The following CALM3 variants were observed in gnomAD, a reference collection of about 807,000 sequenced individuals.
The protein encoded by CALM3 is calmodulin-3.
A neutral mutation model predicts 20.1 loss-of-function variants in CALM3; 5 were observed. The observed-to-expected ratio is 0.25, with a 90% CI of 0.13 to 0.52. The LOEUF is 0.52. CALM3 is among the 20% of genes least tolerant of loss of function. CALM3 has a pLI of 0.96. For synonymous variants in CALM3, 69 were observed against 68.1 expected (o/e 1.01, Z -0.06); for missense variants, 57 against 192.8 (o/e 0.30, Z 4.17).
At chr19:46,609,024 C>G (rs182901112) in intron 5 of CALM3, 43 bp downstream of exon 5, 2 of 1,607,346 alleles carry the variant, frequency 1.2e-6, no homozygotes, top group Admixed American at 1.7e-5. Flanking sequence ...AGAAGAGAAT[C>G]GCAGCTTCAG....
At position 46,608,475 on chromosome 19, in the gene CALM3, C is replaced by T. The variant is rs1971792464; in HGVS notation, c.179-7C>T. On this transcript the variant is annotated splice_region_variant and splice_polypyrimidine_tract_variant and intron_variant, in intron 3 of 5. Transcript: ENST00000291295. This position sits in a 1 kb window ranked among gnomAD's most constrained non-coding sequence, Gnocchi z 5.5. ...AGAGCATTCTCCATCCTTTCCCCAC[C>T]TTCCAGGGAACGGGACCATTGACTT... is the stretch of plus-strand genomic sequence containing the variant. 4 of 1,612,914 alleles carry T rather than the reference C, an allele frequency of 2.5e-6. No individual in the cohort carries two copies. The African/African-American group carries it at 4.0e-5, about 16-fold the overall frequency.
upstream of CALM3, chr19:46,601,091 T>C (rs1215492613): frequency 3.7e-5 from 39 of 1,055,138 alleles, no homozygotes; most frequent in Non-Finnish European, 3.8e-5. The surrounding 1 kb of genome is among the most constrained non-coding windows in gnomAD (Gnocchi z 4.2). Context: ...GGGAAAGTAG[T>C]CCGGCGACGG....
chr19:46,604,513 C>T (rs899464450), intron 1 of CALM3, among the ~76,000 whole-genome samples: 1 of 151,224 alleles, frequency 6.6e-6, no homozygotes, highest in Non-Finnish European at 1.5e-5. Flanking sequence ...TCCCATTCTG[C>T]CTATTTGGGG....
chr19:46,610,154 C>G lies in CALM3; in HGVS notation c.*1001C>G, dbSNP rs927528403. 1 of 152,592 alleles carries G rather than the reference C, an allele frequency of 6.6e-6. No individual in the cohort carries two copies. The allele number at this position is 152,592 out of a possible 1,614,324, so 9.5% of individuals were successfully genotyped here. A position where few individuals can be genotyped will look rare whatever the true frequency, so the allele number is the denominator to read the frequency against. ...GGGCCCCACCACGCTCTCAAGAGAA[C>G]GCACCTGCAATAAAACAGTCTTGTC... On this transcript the variant is annotated 3_prime_UTR_variant, in exon 6 of 6. Coordinates refer to ENST00000291295, the MANE Select transcript of CALM3 (RefSeq NM_005184.4).
chr19:46,608,391 A>C lies in CALM3; in HGVS notation c.178+51A>C. ...GCCCTGCTCCTGGTCACCCCGAGTGACTGCAGGGAGCCTCTCTCAGGGTGA... is the reference window on the plus strand; with the variant it reads ...GCCCTGCTCCTGGTCACCCCGAGTGCCTGCAGGGAGCCTCTCTCAGGGTGA... On this transcript the variant is annotated intron_variant, in intron 3 of 5. Coordinates refer to ENST00000291295, the MANE Select transcript of CALM3 (RefSeq NM_005184.4). This position sits in a 1 kb window ranked among gnomAD's most constrained non-coding sequence, Gnocchi z 5.5. The C allele has an allele frequency of 6.2e-7, 1 of 1,611,624 alleles. No homozygotes were observed.
chr19:46,601,077 G>T, upstream of CALM3: 1 of 1,190,334 alleles, frequency 8.4e-7, no homozygotes, highest in Non-Finnish European at 1.2e-6. The surrounding 1 kb of genome is among the most constrained non-coding windows in gnomAD (Gnocchi z 4.2). Context: ...GGGGCGCGCG[G>T]CGAGGGAAAG....
rs1971619261 is a variant in CALM3, at chr19:46,601,637, C to G, written c.3+200C>G. Among the ~76,000 whole-genome samples the G allele has an allele frequency of 6.6e-6, 1 of 152,214 alleles. No individual in the cohort carries two copies. Among genetic ancestry groups the G allele is most frequent in the Admixed American group, 6.5e-5 (1 of 15,290 alleles). The stretch of plus-strand genomic sequence containing the variant: ...GATCACCAGAGGTTTCCAGAAGCGA[C>G]TTTAGCACCAAATGGGATGTTTAAG... On this transcript the variant is annotated intron_variant, in intron 1 of 5. Coordinates refer to ENST00000291295, the MANE Select transcript of CALM3 (RefSeq NM_005184.4). The surrounding 1 kb of genome is among the most constrained non-coding windows in gnomAD (Gnocchi z 4.2).
chr19:46,605,955 G>GTATC lies in CALM3; in HGVS notation c.34+99_34+102dup. 9.3e-7 allele frequency: 1 copy of GTATC among 1,073,344 alleles called. No homozygotes were observed. Among genetic ancestry groups the GTATC allele is most frequent in the Non-Finnish European group, 1.4e-6 (1 of 693,866 alleles). The allele number at this position is 1,073,344 out of a possible 1,614,324, so 66.5% of individuals were successfully genotyped here. ...AGTGACATCTGATGGGTGAACCTGT[G>GTATC]TATCCCTTGTGTCACCTAACACTAT... On this transcript the variant is annotated intron_variant, in intron 2 of 5. Coordinates refer to ENST00000291295, the MANE Select transcript of CALM3 (RefSeq NM_005184.4). The surrounding 1 kb of genome is among the most constrained non-coding windows in gnomAD (Gnocchi z 4.1).
rs546364141 is a variant in CALM3 at position 46,609,051 on chromosome 19, C to T, written c.421+70C>T. On this transcript the variant is annotated intron_variant, in intron 5 of 5. Coordinates refer to ENST00000291295, the MANE Select transcript of CALM3 (RefSeq NM_005184.4). ...CAGCTTCAGGAACAAGCCCCCAGAT[C>T]CCTCTTGTTGGGGAGGGCCGCTCGC... 5.0e-6 allele frequency: 8 copies of T among 1,612,204 alleles called. No homozygotes were observed. The African/African-American group carries it at 1.1e-4, about 22-fold the overall frequency.
chr19:46,606,273 G>A (rs1971740924), intron 2 of CALM3: 1 of 183,444 alleles, frequency 5.5e-6, no homozygotes, highest in Admixed American at 6.1e-5. Flanking sequence ...TCCCACCTCT[G>A]CGCTTGCCTG....
At position 46,609,473 on chromosome 19, in the gene CALM3, T is replaced by C. The variant is rs1328547525; in HGVS notation, c.*320T>C. 6.9e-6 allele frequency: 3 copies of C among 434,020 alleles called. No individual in the cohort carries two copies. In the East Asian group the frequency reaches 1.2e-4, roughly 18 times the overall value. 26.9% of individuals were successfully genotyped at this position (434,020 alleles called of 1,614,324 possible). A position where few individuals can be genotyped will look rare whatever the true frequency, so the allele number is the denominator to read the frequency against. On this transcript the variant is annotated 3_prime_UTR_variant, in exon 6 of 6. Coordinates refer to ENST00000291295, the MANE Select transcript of CALM3 (RefSeq NM_005184.4). The stretch of plus-strand genomic sequence containing the variant: ...AGCCTCTGCCCTCCTCCAGCCCGGA[T>C]GGCTCTCCTCCATTTTGGTTTGTTT...
At chr19:46,602,507 A>G (rs976540904) in intron 1 of CALM3, 20 of 312,616 alleles carry the variant, frequency 6.4e-5, no homozygotes, top group Non-Finnish European at 5.0e-5. Context: ...GCCAGTCTCC[A>G]GGGACAGGCC....
intron 1 of CALM3, among the ~76,000 whole-genome samples, chr19:46,603,489 G>T (rs960554185): frequency 6.6e-6 from 1 of 152,160 alleles, no homozygotes; most frequent in African/African-American, 2.4e-5. Context: ...ATTGGCTGGG[G>T]GCTGGGGCAA....
chr19:46,601,375 A>T lies in CALM3; in HGVS notation c.-60A>T. ...CGCGCGGCGGAGCTGGAACTGCTGCAGCTGCTGCCGCCGCCGGAGGAACCT... is the reference window on the plus strand; with the variant it reads ...CGCGCGGCGGAGCTGGAACTGCTGCTGCTGCTGCCGCCGCCGGAGGAACCT... On this transcript the variant is annotated 5_prime_UTR_variant, in exon 1 of 6. Transcript: ENST00000291295. The surrounding 1 kb of genome is among the most constrained non-coding windows in gnomAD (Gnocchi z 4.2). 6.7e-7 allele frequency: 1 copy of T among 1,493,482 alleles called. No individual in the cohort carries two copies. The highest frequency in any genetic ancestry group is 8.9e-7 in the Non-Finnish European group (1 of 1,123,854). 92.5% of individuals were successfully genotyped at this position (1,493,482 alleles called of 1,614,324 possible). A position where few individuals can be genotyped will look rare whatever the true frequency, so the allele number is the denominator to read the frequency against.
At position 46,608,516 on chromosome 19, in the gene CALM3, C is replaced by T. The variant is rs1568666350; in HGVS notation, c.213C>T (p.Thr71=). The T allele has an allele frequency of 6.2e-7, 1 of 1,614,148 alleles. No individual in the cohort carries two copies. The highest frequency in any genetic ancestry group is 1.6e-4 in the Middle Eastern group (1 of 6,062). ...NGTIDFPEFL[T]MMARKMKDTD... ...CCATTGACTTCCCGGAGTTCCTGAC[C>T]ATGATGGCCAGAAAGATGAAGGACA... The change falls in exon 4 of 6, where the codon ACC becomes ACT. Residue 71 remains threonine, a synonymous_variant. Coordinates refer to ENST00000291295, the MANE Select transcript of CALM3 (RefSeq NM_005184.4). This position sits in a 1 kb window ranked among gnomAD's most constrained non-coding sequence, Gnocchi z 5.5.
chr19:46,607,414 T>C (rs1360317527), intron 2 of CALM3, among the ~76,000 whole-genome samples: 1 of 152,202 alleles, frequency 6.6e-6, no homozygotes, highest in East Asian at 1.9e-4. Flanking sequence ...TTTGGAGGGC[T>C]TGGGGGTAGA....
chr19:46,608,941 G>A lies in CALM3; in HGVS notation c.381G>A (p.Arg127=), dbSNP rs2122249941. 1.2e-6 allele frequency: 2 copies of A among 1,609,362 alleles called. No homozygotes were observed. Among genetic ancestry groups the A allele is most frequent in the Non-Finnish European group, 1.7e-6 (2 of 1,177,666 alleles). Reference sequence around the variant, plus strand: ...ATGAGGAGGTGGATGAGATGATCAGGGAGGCTGACATCGATGGAGATGGCC... The same window carrying A: ...ATGAGGAGGTGGATGAGATGATCAGAGAGGCTGACATCGATGGAGATGGCC... ...LTDEEVDEMI[R]EADIDGDGQV... is the part of the protein sequence containing the mutation. Residue 127 remains arginine, a synonymous_variant, in exon 5 of 6, where the codon AGG becomes AGA. Coordinates refer to ENST00000291295, the MANE Select transcript of CALM3 (RefSeq NM_005184.4). The surrounding 1 kb of genome is among the most constrained non-coding windows in gnomAD (Gnocchi z 5.5).
intron 1 of CALM3, chr19:46,602,559 G>C (rs948430788): frequency 1.8e-5 from 4 of 222,174 alleles, no homozygotes; most frequent in African/African-American, 9.5e-5. Flanking sequence ...TGGGCTGCAG[G>C]GCCCGGAGGA....
At chr19:46,603,057 C>T (rs1433322474) in intron 1 of CALM3, among the ~76,000 whole-genome samples, 1 of 152,250 alleles carries the variant, frequency 6.6e-6, no homozygotes, top group Non-Finnish European at 1.5e-5. Flanking sequence ...AGAAAACCAG[C>T]AGACTAGTTC....
Sources: gnomAD v4.1 joint callset for allele counts (sites outside exome capture counted in the v4.1 genomes callset) on GRCh38, gnomAD v4.1.1 for gene constraint, Gnocchi (gnomAD v3.1) non-coding constraint, MANE v1.5 for transcripts, NCBI Gene and HGNC (gene_info 2026-07-23, HGNC 2026-07-21) for gene names.